Variants in MARK1 observed in about 807,000 individuals in gnomAD.
MARK1 encodes serine/threonine-protein kinase MARK1.
In MARK1, 40 loss-of-function variants were observed where a neutral mutation model predicts 96.3. The observed-to-expected ratio is 0.42, with a 90% CI of 0.32 to 0.54. The LOEUF (loss-of-function observed/expected upper bound fraction) is 0.54, where lower values mean the gene tolerates loss of function less well. Ranked by LOEUF, MARK1 falls within the 20% of genes least tolerant of loss-of-function variation. The pLI is 0.16. For synonymous variants in MARK1, 317 were observed against 341.2 expected (o/e 0.93, Z 0.78); for missense variants, 719 against 984.6 (o/e 0.73, Z 3.61).
chr1:220,569,249 A>G (rs575679398), intron 1 of MARK1, among the ~76,000 whole-genome samples: 1 of 152,242 alleles, frequency 6.6e-6, no homozygotes, highest in South Asian at 2.1e-4. Context: ...GACTTGTGGA[A>G]GTTTAGTATT....
chr1:220,537,491 T>G (rs1013026314), intron 1 of MARK1, among the ~76,000 whole-genome samples: 1 of 151,278 alleles, frequency 6.6e-6, no homozygotes, highest in African/African-American at 2.4e-5. Flanking sequence ...CTATCATTGT[T>G]GGACATTTGG....
At chr1:220,636,248 G>A (rs1039159446) in intron 13 of MARK1, among the ~76,000 whole-genome samples, 2 of 152,030 alleles carry the variant, frequency 1.3e-5, no homozygotes, top group African/African-American at 4.8e-5. Context: ...ACACAAAATG[G>A]TACATGAAAC....
intron 3 of MARK1, among the ~76,000 whole-genome samples, chr1:220,591,229 T>C (rs1664961227): frequency 6.6e-6 from 1 of 152,188 alleles, no homozygotes; most frequent in South Asian, 2.1e-4. Flanking sequence ...CCCAATACTT[T>C]TGGAGGAATT....
chr1:220,569,434 G>C (rs1663286278), intron 1 of MARK1, among the ~76,000 whole-genome samples: 4 of 151,848 alleles, frequency 2.6e-5, no homozygotes. Context: ...GTTATACCTA[G>C]AGAGCCATTT....
chr1:220,645,424 C>T (rs949218915), intron 13 of MARK1, among the ~76,000 whole-genome samples: 7 of 152,076 alleles, frequency 4.6e-5, no homozygotes, highest in Admixed American at 2.0e-4. Context: ...AGTAATAAAT[C>T]GCCTACCAAC....
At chr1:220,581,633 A>G (rs189960465) in intron 3 of MARK1, among the ~76,000 whole-genome samples, 19 of 152,312 alleles carry the variant, frequency 1.2e-4, no homozygotes, top group Admixed American at 1.0e-3. Context: ...TATTGTTCAT[A>G]GGTGAGTTTC....
At chr1:220,612,982 A>G (rs1666538228) in intron 6 of MARK1, among the ~76,000 whole-genome samples, 1 of 152,202 alleles carries the variant, frequency 6.6e-6, no homozygotes, top group African/African-American at 2.4e-5. Flanking sequence ...ACTTATAAGT[A>G]TTAACAATTG....
rs943844868 is a variant in MARK1, at chr1:220,591,788, T to C, written c.310-6543T>C. On this transcript the variant is annotated intron_variant, in intron 3 of 17. Coordinates refer to ENST00000366917, the MANE Select transcript of MARK1 (RefSeq NM_018650.5). Reference sequence around the variant, plus strand: ...AGTTTGGTTCTGCCAATTGTCATTCTGCTTTATTTACCTTGTACAGATCAC... The same window carrying C: ...AGTTTGGTTCTGCCAATTGTCATTCCGCTTTATTTACCTTGTACAGATCAC... Among the ~76,000 whole-genome samples, 4 of 152,232 alleles carry C rather than the reference T, an allele frequency of 2.6e-5. No individual in the cohort carries two copies. In the East Asian group the frequency reaches 7.7e-4, roughly 29 times the overall value.
intron 9 of MARK1, among the ~76,000 whole-genome samples, chr1:220,629,107 A>G (rs1467576951): frequency 6.6e-6 from 1 of 151,980 alleles, no homozygotes; most frequent in African/African-American, 2.4e-5. Flanking sequence ...CCTTCAAAAG[A>G]TATATATATG....
intron 3 of MARK1, among the ~76,000 whole-genome samples, chr1:220,586,011 A>G (rs10659944): frequency 0.056 from 8,242 of 148,482 alleles, 631 homozygotes; most frequent in African/African-American, 0.18. Flanking sequence ...ACACACACAC[A>G]CGCGCGCGTG....
At chr1:220,648,268 A>G (rs759266794) in intron 13 of MARK1, among the ~76,000 whole-genome samples, 14 of 152,324 alleles carry the variant, frequency 9.2e-5, no homozygotes, top group Admixed American at 2.6e-4. Flanking sequence ...GGAAGTTACC[A>G]AACTACAGTT....
chr1:220,593,882 C>T (rs1315645635), intron 3 of MARK1, among the ~76,000 whole-genome samples: 1 of 152,154 alleles, frequency 6.6e-6, no homozygotes, highest in Non-Finnish European at 1.5e-5. Context: ...CCCCTCAGCC[C>T]TCACTCTGGA....
intron 3 of MARK1, among the ~76,000 whole-genome samples, chr1:220,588,886 T>C (rs968782849): frequency 6.6e-6 from 1 of 152,162 alleles, no homozygotes; most frequent in African/African-American, 2.4e-5. Flanking sequence ...GACAGAAGTT[T>C]TATAAAGATT....
At chr1:220,606,958 T>C (rs1666117584) in intron 6 of MARK1, among the ~76,000 whole-genome samples, 3 of 152,228 alleles carry the variant, frequency 2.0e-5, no homozygotes, top group East Asian at 1.9e-4. Flanking sequence ...GGTAGCATGA[T>C]GCCTCCAGGT....
intron 3 of MARK1, among the ~76,000 whole-genome samples, chr1:220,590,677 G>A (rs913068441): frequency 6.6e-6 from 1 of 152,140 alleles, no homozygotes; most frequent in South Asian, 2.1e-4. Context: ...TGATGGAATA[G>A]GAATCTGGTA....
intron 6 of MARK1, among the ~76,000 whole-genome samples, chr1:220,609,206 T>C (rs1666277897): frequency 6.6e-6 from 1 of 152,228 alleles, no homozygotes. Context: ...TTTGTAGGTC[T>C]GTAAGGACTT....
Position 220,635,356 on chromosome 1 carries a change from T to C in MARK1, c.1123-20T>C. On this transcript the variant is annotated intron_variant, in intron 11 of 17. Coordinates refer to ENST00000366917, the MANE Select transcript of MARK1 (RefSeq NM_018650.5). ...TTTTTTTTTTTTGCTTTAAAATCCC[T>C]GTGGTTTTTCTTCTTATAGTTTGAA... The C allele has an allele frequency of 2.0e-6, 3 of 1,511,446 alleles. No homozygotes were observed. The highest frequency in any genetic ancestry group is 2.7e-6 in the Non-Finnish European group (3 of 1,121,472). 93.6% of individuals were successfully genotyped at this position (1,511,446 alleles called of 1,614,324 possible).
chr1:220,587,825 A>T (rs183308379), intron 3 of MARK1, among the ~76,000 whole-genome samples: 1 of 151,752 alleles, frequency 6.6e-6, no homozygotes, highest in South Asian at 2.1e-4. Flanking sequence ...CTAGTTAACT[A>T]TTTGTTTTTA....
At chr1:220,541,088 A>G (rs1255015789) in intron 1 of MARK1, among the ~76,000 whole-genome samples, 2 of 152,056 alleles carry the variant, frequency 1.3e-5, no homozygotes, top group Non-Finnish European at 2.9e-5. Context: ...GCCTGCCACC[A>G]TACCTGGCTA....
Sources: gnomAD v4.1 joint callset for allele counts (sites outside exome capture counted in the v4.1 genomes callset) on GRCh38, gnomAD v4.1.1 for gene constraint, MANE v1.5 for transcripts, NCBI Gene and HGNC (gene_info 2026-07-23, HGNC 2026-07-21) for gene names.